FAM221A: variants seen among roughly 807,000 people sequenced by gnomAD.
The protein encoded by FAM221A is protein FAM221A.
A neutral mutation model predicts 37.6 loss-of-function variants in FAM221A; 43 were observed. The observed-to-expected ratio is 1.15, with a 90% CI of 0.90 to 1.48. FAM221A has a LOEUF of 1.48. Ranked by LOEUF, FAM221A falls within the 40% of genes most tolerant of loss-of-function variation. The pLI is 0.00. For synonymous variants in FAM221A, 135 were observed against 132.9 expected (o/e 1.02, Z -0.11); for missense variants, 361 against 361.5 (o/e 1.00, Z 0.01).
rs1158620575 is a variant in FAM221A at position 23,680,246 on chromosome 7, G to A, written c.28G>A (p.Gly10Ser). Residue 10 changes from glycine (G) to serine (S), a missense_variant, in exon 1 of 7, where the codon GGC becomes AGC. Physicochemically the swap from Gly to Ser is moderately conservative, Grantham distance 56. Coordinates refer to ENST00000344962, the MANE Select transcript of FAM221A (RefSeq NM_199136.5). MERLTLPLG[G>S]AAAVDEYLEY... The stretch of plus-strand genomic sequence containing the variant: ...GGAGCGGTTGACGTTGCCTCTCGGC[G>A]GCGCGGCGGCGGTGGACGAGTACCT... The A allele has an allele frequency of 6.5e-7, 1 of 1,549,362 alleles. No homozygotes were observed. Among genetic ancestry groups the A allele is most frequent in the Non-Finnish European group, 8.7e-7 (1 of 1,146,076 alleles).
intron 4 of FAM221A, among the ~76,000 whole-genome samples, chr7:23,697,524 A>G (rs1273735443): frequency 6.6e-6 from 1 of 152,088 alleles, no homozygotes; most frequent in Non-Finnish European, 1.5e-5. Context: ...TTGTTTTTAG[A>G]TGGTTTCCTA....
At position 23,701,238 on chromosome 7, in the gene FAM221A, C is replaced by CT. The variant is rs1386533372; in HGVS notation, c.828+389dup. Among the ~76,000 whole-genome samples, 100 of 52,300 alleles carry CT rather than the reference C, an allele frequency of 1.9e-3. 1 individual carries two copies. The highest frequency in any genetic ancestry group is 0.011 in the Middle Eastern group (1 of 94). 34.3% of individuals were successfully genotyped at this position (52,300 alleles called of 152,430 possible). ...AAAGATTGAATATATTTTGAATTCT[C>CT]TTTTTTTTTTTTTTTTTTTGAGACG... On this transcript the variant is annotated intron_variant, in intron 6 of 6. Transcript: ENST00000344962.
chr7:23,692,541 C>T (rs57875543), intron 4 of FAM221A: 95 of 347,430 alleles, frequency 2.7e-4, no homozygotes, highest in African/African-American at 2.0e-3. Context: ...GGGGTTTCTC[C>T]ATGTTGGTCA....
chr7:23,700,341 C>T (rs1363653196), intron 5 of FAM221A, among the ~76,000 whole-genome samples: 1 of 152,152 alleles, frequency 6.6e-6, no homozygotes, highest in Non-Finnish European at 1.5e-5. Context: ...ATCCATTTGA[C>T]AAAGTGATTA....
intron 3 of FAM221A, among the ~76,000 whole-genome samples, chr7:23,690,921 A>G (rs980051257): frequency 2.0e-5 from 3 of 152,180 alleles, no homozygotes; most frequent in African/African-American, 4.8e-5. Flanking sequence ...TGTTTTCATG[A>G]TTCATCCATG....
intron 4 of FAM221A, chr7:23,692,353 T>C (rs1784802549): frequency 2.1e-6 from 1 of 482,890 alleles, no homozygotes; most frequent in African/African-American, 2.1e-5. Context: ...TTCTTTTTTT[T>C]TTTTTGAGAC....
At chr7:23,687,607 A>G (rs533978948) in intron 2 of FAM221A, 4 of 151,520 alleles carry the variant, frequency 2.6e-5, no homozygotes, top group African/African-American at 9.7e-5. Flanking sequence ...GTTTCTTGAA[A>G]CATTATTAAA....
At chr7:23,691,291 A>G in intron 3 of FAM221A, 99 bp from the exon 4 acceptor site, 1 of 1,093,346 alleles carries the variant, frequency 9.1e-7, no homozygotes, top group South Asian at 1.4e-5. Flanking sequence ...TACAGGGGCC[A>G]GAGGATCTAG....
chr7:23,681,030 C>T (rs1784008959), intron 1 of FAM221A, among the ~76,000 whole-genome samples: 1 of 152,206 alleles, frequency 6.6e-6, no homozygotes, highest in East Asian at 1.9e-4. Flanking sequence ...GTGGGTGGCC[C>T]AGATGACCCA....
chr7:23,680,232 C>T lies in FAM221A; in HGVS notation c.14C>T (p.Thr5Met), dbSNP rs867008290. 1.3e-6 allele frequency: 2 copies of T among 1,549,526 alleles called. No homozygotes were observed. Among genetic ancestry groups the T allele is most frequent in the African/African-American group, 1.4e-5 (1 of 72,766 alleles). ...TCCCCACCGGCAATGGAGCGGTTGA[C>T]GTTGCCTCTCGGCGGCGCGGCGGCG... MERL[T>M]LPLGGAAAVD... The change falls in exon 1 of 7, where the codon ACG becomes ATG. Residue 5 changes from threonine to methionine, a missense_variant. Transcript: ENST00000344962.
chr7:23,700,795 G>A lies in FAM221A; in HGVS notation c.755G>A (p.Ser252Asn). 1.3e-6 allele frequency: 2 copies of A among 1,599,192 alleles called. No homozygotes were observed. The highest frequency in any genetic ancestry group is 1.7e-6 in the Non-Finnish European group (2 of 1,172,592). The change falls in exon 6 of 7, where the codon AGT becomes AAT. Residue 252 changes from serine (S) to asparagine (N), a missense_variant. Coordinates refer to ENST00000344962, the MANE Select transcript of FAM221A (RefSeq NM_199136.5). ...SPETLTDVGT[S>N]SQVSSLRRPE... is the part of the protein sequence containing the mutation. ...TTTTTTTCCTTGTTAGTAGGTACAA[G>A]TAGTCAAGTTTCTTCATTAAGGAGA...
At chr7:23,690,327 C>G (rs912347077) in intron 3 of FAM221A, among the ~76,000 whole-genome samples, 26 of 151,310 alleles carry the variant, frequency 1.7e-4, no homozygotes, top group African/African-American at 4.8e-4. Context: ...GCCTCAGCCT[C>G]CCAAGTAGCT....
At chr7:23,696,487 T>C (rs1009028134) in intron 4 of FAM221A, among the ~76,000 whole-genome samples, 6 of 152,130 alleles carry the variant, frequency 3.9e-5, no homozygotes, top group Non-Finnish European at 8.8e-5. Flanking sequence ...TCACCTGAGC[T>C]TTGGATGCAG....
At chr7:23,696,360 C>A (rs1785060636) in intron 4 of FAM221A, among the ~76,000 whole-genome samples, 1 of 152,130 alleles carries the variant, frequency 6.6e-6, no homozygotes, top group South Asian at 2.1e-4. Flanking sequence ...GAGTTTGAGA[C>A]CAGCCTAGGC....
chr7:23,682,739 T>G (rs1784129535), intron 1 of FAM221A, among the ~76,000 whole-genome samples: 1 of 152,176 alleles, frequency 6.6e-6, no homozygotes, highest in Non-Finnish European at 1.5e-5. Context: ...AATCTGCATT[T>G]GAGCAAGATC....
intron 5 of FAM221A, among the ~76,000 whole-genome samples, chr7:23,699,535 C>CTTT (rs57930152): frequency 0.017 from 1,060 of 64,166 alleles, 31 homozygotes; most frequent in African/African-American, 0.017. Context: ...TCACCTTTTC[C>CTTT]TTTTTTTTTT....
In FAM221A at chr7:23,700,768, AT is replaced by A. The variant is rs759665815; in HGVS notation, c.746-10del. 61 of 1,498,668 alleles carry A rather than the reference AT, an allele frequency of 4.1e-5. No homozygotes were observed. The highest frequency in any genetic ancestry group is 5.2e-5 in the Non-Finnish European group (57 of 1,095,886). The allele number at this position is 1,498,668 out of a possible 1,614,324, so 92.8% of individuals were successfully genotyped here. Reference sequence around the variant, plus strand: ...GTAATGATATAAATACATTACTTAGATTTTTTTTCCTTGTTAGTAGGTACAA... The same window carrying A: ...GTAATGATATAAATACATTACTTAGATTTTTTTCCTTGTTAGTAGGTACAA... On this transcript the variant is annotated splice_polypyrimidine_tract_variant and intron_variant, in intron 5 of 6. Transcript: ENST00000344962.
At chr7:23,685,631 C>T (rs1784326030) in intron 2 of FAM221A, among the ~76,000 whole-genome samples, 1 of 152,178 alleles carries the variant, frequency 6.6e-6, no homozygotes, top group African/African-American at 2.4e-5. Context: ...CCTTTTATAC[C>T]TTAAGGATCT....
intron 2 of FAM221A, among the ~76,000 whole-genome samples, chr7:23,685,620 G>C (rs1394345099): frequency 6.6e-6 from 1 of 152,190 alleles, no homozygotes; most frequent in Admixed American, 6.5e-5. Context: ...TTTACTAATT[G>C]CCTTTTATAC....
Sources: gnomAD v4.1 joint callset for allele counts (sites outside exome capture counted in the v4.1 genomes callset) on GRCh38, gnomAD v4.1.1 for gene constraint, MANE v1.5 for transcripts, NCBI Gene and HGNC (gene_info 2026-07-23, HGNC 2026-07-21) for gene names.